The following MTUS2 variants were observed in gnomAD, a reference collection of about 807,000 sequenced individuals.
MTUS2 encodes microtubule-associated tumor suppressor candidate 2.
Under a neutral mutation model 114.1 loss-of-function variants are expected in MTUS2, and 40 were observed. That is an observed-to-expected ratio of 0.35 (90% CI 0.27 to 0.46). The LOEUF (loss-of-function observed/expected upper bound fraction) is 0.46, where lower values mean the gene tolerates loss of function less well. Among genes scored for constraint, MTUS2 ranks in the 20% least tolerant of loss-of-function variants. MTUS2 has a pLI of 1.00. For missense variants in MTUS2, 1,679 were observed against 1,705.4 expected (o/e 0.98, Z 0.27); for synonymous variants, 688 against 672.0 (o/e 1.02, Z -0.37).
intron 6 of MTUS2, among the ~76,000 whole-genome samples, chr13:29,293,460 A>T (rs1898802616): frequency 6.6e-6 from 1 of 152,122 alleles, no homozygotes; most frequent in Non-Finnish European, 1.5e-5. Context: ...CGTTGGTAAG[A>T]ATGTGGTACA....
intron 5 of MTUS2, among the ~76,000 whole-genome samples, chr13:29,194,730 C>G (rs1379677743): frequency 6.6e-6 from 1 of 151,154 alleles, no homozygotes; most frequent in African/African-American, 2.4e-5. Flanking sequence ...TTTGACCCAG[C>G]CATCCCATTA....
intron 8 of MTUS2, among the ~76,000 whole-genome samples, chr13:29,384,846 A>G (rs1242652959): frequency 6.6e-6 from 1 of 152,216 alleles, no homozygotes; most frequent in African/African-American, 2.4e-5. Flanking sequence ...TACCTTTAAC[A>G]GTTATTTCTA....
chr13:29,044,553 A>G (rs140523813), intron 4 of MTUS2, among the ~76,000 whole-genome samples: 40 of 152,224 alleles, frequency 2.6e-4, no homozygotes, highest in Middle Eastern at 3.4e-3. Context: ...AGGGACTCCA[A>G]TTACACATAT....
rs377262597 is a variant in MTUS2 at position 28,963,100 on chromosome 13, C to T, written c.-242-61357C>T. On this transcript the variant is annotated intron_variant, in intron 2 of 15. Transcript: ENST00000612955. The stretch of plus-strand genomic sequence containing the variant: ...GGCGCAGTGGCTCATGCCTGTAATT[C>T]CAGCACTTTGGGAGGCCGAGACAGA... Among the ~76,000 whole-genome samples the T allele has an allele frequency of 1.1e-3, 168 of 152,208 alleles. 1 individual carries two copies. Among genetic ancestry groups the T allele is most frequent in the Middle Eastern group, 3.4e-3 (1 of 294 alleles).
At chr13:29,337,859 G>C (rs1388797078) in intron 7 of MTUS2, among the ~76,000 whole-genome samples, 1 of 150,870 alleles carries the variant, frequency 6.6e-6, no homozygotes, top group Non-Finnish European at 1.5e-5. Context: ...CACAATCTCG[G>C]CTCACTGCAA....
intron 2 of MTUS2, among the ~76,000 whole-genome samples, chr13:28,955,572 G>GA (rs1448957873): frequency 6.6e-6 from 1 of 152,180 alleles, no homozygotes. Flanking sequence ...CTGTGTCTGG[G>GA]AAAATGGATG....
At chr13:29,337,160 C>G (rs1593318290) in intron 7 of MTUS2, among the ~76,000 whole-genome samples, 1 of 150,430 alleles carries the variant, frequency 6.6e-6, no homozygotes, top group South Asian at 2.1e-4. Context: ...ACAGTTCTCT[C>G]TCACTGGTGA....
Position 29,363,032 on chromosome 13 carries a change from G to C in MTUS2, c.3117+3559G>C, listed in dbSNP as rs114811511. Among the ~76,000 whole-genome samples, 691 of 152,250 alleles carry C rather than the reference G, an allele frequency of 4.5e-3. 5 individuals are homozygous for C. Among genetic ancestry groups the C allele is most frequent in the African/African-American group, 0.016 (647 of 41,548 alleles). On this transcript the variant is annotated intron_variant, in intron 8 of 15. Transcript: ENST00000612955. ...TGCAGCAAGGTATGTTCCTCACCACGGGCCAAACAGATCTGCTGTATCCAT... is the reference window on the plus strand; with the variant it reads ...TGCAGCAAGGTATGTTCCTCACCACCGGCCAAACAGATCTGCTGTATCCAT...
chr13:28,946,304 T>TGC (rs76454431), intron 2 of MTUS2, among the ~76,000 whole-genome samples: 80 of 150,322 alleles, frequency 5.3e-4, no homozygotes, highest in East Asian at 1.4e-3. Context: ...TGTGTGTGTG[T>TGC]GCGCGCGCAC....
intron 5 of MTUS2, among the ~76,000 whole-genome samples, chr13:29,163,955 C>T (rs948517744): frequency 2.6e-5 from 4 of 152,118 alleles, no homozygotes; most frequent in South Asian, 2.1e-4. Flanking sequence ...GCCCACAGCT[C>T]GAGCGCCCTT....
At chr13:29,416,040 C>T (rs1453786766) in intron 8 of MTUS2, among the ~76,000 whole-genome samples, 1 of 151,250 alleles carries the variant, frequency 6.6e-6, no homozygotes, top group Non-Finnish European at 1.5e-5. Context: ...CTCAGCCTCC[C>T]GAGTAGCTGG....
intron 5 of MTUS2, among the ~76,000 whole-genome samples, chr13:29,177,102 G>T (rs552385048): frequency 2.6e-5 from 4 of 151,118 alleles, no homozygotes; most frequent in Non-Finnish European, 4.4e-5. Flanking sequence ...CCATGTTGGT[G>T]CAGAGAACAG....
intron 2 of MTUS2, among the ~76,000 whole-genome samples, chr13:28,877,167 A>T (rs980899554): frequency 2.6e-5 from 4 of 151,332 alleles, no homozygotes; most frequent in African/African-American, 7.3e-5. Flanking sequence ...TACAAAAAAA[A>T]ATTAGCTGGG....
intron 7 of MTUS2, among the ~76,000 whole-genome samples, chr13:29,350,962 T>TATATATATATATATATATATATATATATC (rs1869203288): frequency 3.2e-4 from 6 of 18,896 alleles, no homozygotes; most frequent in Non-Finnish European, 9.7e-4. Context: ...ATATATTTCA[T>TATATATATATATATATATATATATATATC]ATATATATAT....
intron 2 of MTUS2, among the ~76,000 whole-genome samples, chr13:28,934,249 C>A: frequency 6.6e-6 from 1 of 152,206 alleles, no homozygotes; most frequent in East Asian, 1.9e-4. Context: ...AAGTTTATTT[C>A]ATGTATCCCT....
intron 2 of MTUS2, among the ~76,000 whole-genome samples, chr13:28,853,459 T>C (rs1876429178): frequency 6.6e-6 from 1 of 152,214 alleles, no homozygotes; most frequent in Non-Finnish European, 1.5e-5. Context: ...TATTATATTT[T>C]GCTATAAGGA....
intron 2 of MTUS2, among the ~76,000 whole-genome samples, chr13:28,928,475 C>G (rs935921178): frequency 6.6e-6 from 1 of 152,144 alleles, no homozygotes; most frequent in African/African-American, 2.4e-5. Context: ...AGAAGACATA[C>G]AAATGGCCAG....
intron 5 of MTUS2, among the ~76,000 whole-genome samples, chr13:29,193,922 C>T (rs1001673240): frequency 1.5e-4 from 23 of 152,036 alleles, no homozygotes; most frequent in Non-Finnish European, 3.2e-4. Context: ...CAGAACAGAG[C>T]CCTCAGAAAT....
intron 7 of MTUS2, among the ~76,000 whole-genome samples, chr13:29,352,203 A>C (rs1239277302): frequency 6.6e-6 from 1 of 152,080 alleles, no homozygotes; most frequent in East Asian, 1.9e-4. Context: ...AAATTATACA[A>C]CTTCTCTCTC....
Sources: gnomAD v4.1 joint callset for allele counts (sites outside exome capture counted in the v4.1 genomes callset) on GRCh38, gnomAD v4.1.1 for gene constraint, MANE v1.5 for transcripts, NCBI Gene and HGNC (gene_info 2026-07-23, HGNC 2026-07-21) for gene names.